Variants in EIF6 observed in about 807,000 individuals in gnomAD.
The protein encoded by EIF6 is eukaryotic translation initiation factor 6.
In EIF6, 10 loss-of-function variants were observed where a neutral mutation model predicts 25.5. The observed-to-expected ratio is 0.39, with a 90% CI of 0.24 to 0.66. The LOEUF (loss-of-function observed/expected upper bound fraction) is 0.66. EIF6 is among the 30% of genes least tolerant of loss of function. The pLI, the probability that EIF6 is intolerant of heterozygous loss-of-function variation, is 0.45. For missense variants in EIF6, 246 were observed against 315.4 expected (o/e 0.78, Z 1.67); for synonymous variants, 122 against 122.6 (o/e 1.00, Z 0.03).
chr20:35,282,840 C>A (rs140435555), intron 3 of EIF6, among the ~76,000 whole-genome samples: 1 of 151,946 alleles, frequency 6.6e-6, no homozygotes, highest in African/African-American at 2.4e-5. Flanking sequence ...GAACTGCTGA[C>A]CTCAGGTGAT....
chr20:35,280,533 C>A, intron 4 of EIF6, 121 bp downstream of exon 4: 1 of 1,216,064 alleles, frequency 8.2e-7, no homozygotes. Context: ...ACCTGAAACT[C>A]AAGAGCCCAT....
At position 35,284,507 on chromosome 20, in the gene EIF6, G is replaced by A. The variant is rs1430582117; in HGVS notation, c.-5-15C>T. 1 of 1,585,622 alleles carries A rather than the reference G, an allele frequency of 6.3e-7. No homozygotes were observed. Among genetic ancestry groups the A allele is most frequent in the Non-Finnish European group, 8.6e-7 (1 of 1,159,922 alleles). On this transcript the variant is annotated splice_polypyrimidine_tract_variant and intron_variant, in intron 1 of 6. Transcript: ENST00000374450. The stretch of plus-strand genomic sequence containing the variant: ...CGCCATGAGGCCTAGGGGCGGCGGA[G>A]GCGGGAGTTCAAGGCCGGCGGATCC...
In EIF6 at chr20:35,284,739, ACAAGCTCCG is replaced by A. The variant is rs1430596850; in HGVS notation, c.-28_-20del. ...ACACCAGCTTACCAAGTAACCAGTA[ACAAGCTCCG>A]CACGCGGCGACTGTACCTTGGACTC... On this transcript the variant is annotated 5_prime_UTR_variant, in exon 1 of 7. Transcript: ENST00000374450. The A allele has an allele frequency of 1.8e-6, 1 of 541,920 alleles. No individual in the cohort carries two copies. Among genetic ancestry groups the A allele is most frequent in the Non-Finnish European group, 3.3e-6 (1 of 304,326 alleles). 33.6% of individuals were successfully genotyped at this position (541,920 alleles called of 1,614,324 possible).
chr20:35,284,300 G>A (rs1480146185), intron 2 of EIF6, 39 bp from the exon 3 acceptor site: 2 of 1,613,786 alleles, frequency 1.2e-6, no homozygotes, highest in South Asian at 2.2e-5. Flanking sequence ...GGGCAGAGGG[G>A]CCGGCACCCT....
rs562867807 is a variant in EIF6 at position 35,279,643 on chromosome 20, C to G, written c.651G>C (p.Val217=). 1 of 1,614,226 alleles carries G rather than the reference C, an allele frequency of 6.2e-7. No homozygotes were observed. Among genetic ancestry groups the G allele is most frequent in the Non-Finnish European group, 8.5e-7 (1 of 1,180,044 alleles). The change falls in exon 6 of 7, where the codon GTG becomes GTC. Residue 217 remains valine (V), a synonymous_variant. Coordinates refer to ENST00000374450, the MANE Select transcript of EIF6 (RefSeq NM_002212.4). ...CATTCAGCTTGAAGACACTCTCCAC[C>G]ACTGACAGCTCTGTGCTGGTTGTGT... The part of the protein sequence containing the change: ...GLDTTSTELS[V]VESVFKLNEA...
At chr20:35,283,482 C>T (rs75325629) in intron 3 of EIF6, among the ~76,000 whole-genome samples, 12,727 of 152,136 alleles carry the variant, frequency 0.084, 1,771 homozygotes, top group African/African-American at 0.29. Context: ...GCACCTTGCC[C>T]AGTCAGTGGC....
chr20:35,280,560 A>C, intron 4 of EIF6, 94 bp downstream of exon 4: 90 of 1,446,880 alleles, frequency 6.2e-5, no homozygotes, highest in Non-Finnish European at 7.9e-5. Context: ...AAACCACAGG[A>C]GAGACCCCTA....
rs909239594 is a variant in EIF6 at position 35,284,768 on chromosome 20, G to A, written c.-48C>T. ...GCTCCGCACGCGGCGACTGTACCTT[G>A]GACTCCCTAAAAAGGTTTCCGTTTC... On this transcript the variant is annotated 5_prime_UTR_variant, in exon 1 of 7. Coordinates refer to ENST00000374450, the MANE Select transcript of EIF6 (RefSeq NM_002212.4). 4 of 478,326 alleles carry A rather than the reference G, an allele frequency of 8.4e-6. No individual in the cohort carries two copies. The highest frequency in any genetic ancestry group is 1.5e-5 in the Non-Finnish European group (4 of 266,462). The allele number at this position is 478,326 out of a possible 1,614,324, so 29.6% of individuals were successfully genotyped here. A position where few individuals can be genotyped will look rare whatever the true frequency, so the allele number is the denominator to read the frequency against.
At chr20:35,280,158 C>T (rs1205749069) in intron 4 of EIF6, 40 bp from the exon 5 acceptor site, 7 of 1,600,024 alleles carry the variant, frequency 4.4e-6, no homozygotes, top group African/African-American at 1.3e-5. Flanking sequence ...TCAGAACTTA[C>T]AGCCCCAGAA....
At chr20:35,284,523 C>T (rs2060808402) in intron 1 of EIF6, 31 bp from the exon 2 acceptor site, 3 of 1,567,798 alleles carry the variant, frequency 1.9e-6, no homozygotes, top group Admixed American at 1.8e-5. Flanking sequence ...AGTTCAAGGC[C>T]GGCGGATCCT....
chr20:35,279,189 AAGGTGACTC>A lies in EIF6; in HGVS notation c.737_*7del. On this transcript the variant is annotated stop_lost and 3_prime_UTR_variant, in exon 7 of 7. Transcript: ENST00000374450. ...GCCAGGAGCCCATGGAACAACTTGG[AAGGTGACTC>A]AGGTGAGGCTGAAGAGAAAGGAAAG... is the stretch of plus-strand genomic sequence containing the variant. The A allele has an allele frequency of 6.2e-7, 1 of 1,613,934 alleles. No individual in the cohort carries two copies.
intron 1 of EIF6, 32 bp from the exon 2 acceptor site, chr20:35,284,524 G>A (rs1442989408): frequency 1.9e-6 from 3 of 1,567,246 alleles, no homozygotes; most frequent in African/African-American, 2.7e-5. Context: ...GTTCAAGGCC[G>A]GCGGATCCTT....
At chr20:35,280,264 G>A (rs1328644343) in intron 4 of EIF6, 146 bp from the exon 5 acceptor site, 51 of 915,346 alleles carry the variant, frequency 5.6e-5, no homozygotes, top group Non-Finnish European at 8.0e-5. Flanking sequence ...CCAGAGAAAG[G>A]AGGAAGTACA....
intron 4 of EIF6, 64 bp downstream of exon 4, chr20:35,280,590 G>T: frequency 6.4e-7 from 1 of 1,573,058 alleles, no homozygotes; most frequent in Non-Finnish European, 8.7e-7. Flanking sequence ...TGTTGGGAAA[G>T]AACAGTGGCT....
At chr20:35,284,129 G>A (rs2060801371) in intron 3 of EIF6, 47 bp downstream of exon 3, 1 of 1,538,486 alleles carries the variant, frequency 6.5e-7, no homozygotes. Flanking sequence ...TGTAATTAAT[G>A]GTGCTTGGAG....
chr20:35,280,882 G>A, intron 3 of EIF6, 53 bp from the exon 4 acceptor site: 5 of 1,588,982 alleles, frequency 3.1e-6, no homozygotes, highest in Non-Finnish European at 4.3e-6. Context: ...CTGAGCCCTA[G>A]GGGCTGAGGA....
intron 3 of EIF6, among the ~76,000 whole-genome samples, chr20:35,281,793 G>C (rs182703687): frequency 6.6e-6 from 1 of 152,068 alleles, no homozygotes; most frequent in Non-Finnish European, 1.5e-5. Flanking sequence ...TGTTGGCAAA[G>C]ATATATGGAG....
chr20:35,284,113 C>A, intron 3 of EIF6, 63 bp downstream of exon 3: 2 of 1,523,424 alleles, frequency 1.3e-6, no homozygotes, highest in Non-Finnish European at 1.8e-6. Flanking sequence ...GGGTTCCCTC[C>A]GGGGGTGTAA....
chr20:35,281,183 G>A (rs900290508), intron 3 of EIF6, among the ~76,000 whole-genome samples: 21 of 152,008 alleles, frequency 1.4e-4, no homozygotes, highest in African/African-American at 2.9e-4. Flanking sequence ...GATCGAGATC[G>A]AGATCATCCT....
Sources: gnomAD v4.1 joint callset for allele counts (sites outside exome capture counted in the v4.1 genomes callset) on GRCh38, gnomAD v4.1.1 for gene constraint, MANE v1.5 for transcripts, NCBI Gene and HGNC (gene_info 2026-07-23, HGNC 2026-07-21) for gene names.